DLGAP2: variants seen among roughly 807,000 people sequenced by gnomAD.
DLGAP2 encodes DLG associated protein 2, also known as disks large-associated protein 2.
DLGAP2 carries 26 observed loss-of-function variants against 100.3 expected under a neutral mutation model. That is an observed-to-expected ratio of 0.26 (90% CI 0.19 to 0.36). DLGAP2 has a LOEUF of 0.36. Ranked by LOEUF, DLGAP2 falls within the 10% of genes least tolerant of loss-of-function variation. The probability of loss-of-function intolerance (pLI) is 1.00; values close to 1 mark genes in which losing one functional copy is unlikely to be tolerated. For synonymous variants in DLGAP2, 886 were observed against 630.1 expected (o/e 1.41, Z -6.08); for missense variants, 1,858 against 1,453.2 (o/e 1.28, Z -4.53).
At chr8:1,040,524 CCGTGGTCGGCTCGGTGTG>C (rs1213023126) in intron 2 of DLGAP2, among the ~76,000 whole-genome samples, 5 of 111,086 alleles carry the variant, frequency 4.5e-5, no homozygotes, top group Non-Finnish European at 9.1e-5. Flanking sequence ...GGCTCGGTTT[CCGTGGTCGGCTCGGTGTG>C]CGTGGTCGGC....
At chr8:1,315,595 A>G (rs77995459) in intron 3 of DLGAP2, among the ~76,000 whole-genome samples, 48 of 130,684 alleles carry the variant, frequency 3.7e-4, no homozygotes, top group African/African-American at 1.2e-3. Context: ...TCTCTCCAAC[A>G]GTGGTCTACA....
intron 6 of DLGAP2, among the ~76,000 whole-genome samples, chr8:1,569,156 T>A (rs928637440): frequency 4.0e-5 from 6 of 149,718 alleles, no homozygotes; most frequent in Non-Finnish European, 7.4e-5. Flanking sequence ...CCCATGCCAC[T>A]GCCCACTCAG....
intron 3 of DLGAP2, among the ~76,000 whole-genome samples, chr8:1,304,427 T>C (rs994869797): frequency 6.6e-6 from 1 of 152,214 alleles, no homozygotes; most frequent in Admixed American, 6.5e-5. Flanking sequence ...ACATGAGATT[T>C]TTTAAAAAAT....
At chr8:1,434,482 G>GA in intron 3 of DLGAP2, among the ~76,000 whole-genome samples, 1 of 149,718 alleles carries the variant, frequency 6.7e-6, no homozygotes, top group Admixed American at 6.8e-5. Flanking sequence ...TTTGGGTTTT[G>GA]GGTTTTTTTT....
At chr8:1,063,249 A>T (rs1394965071) in intron 2 of DLGAP2, among the ~76,000 whole-genome samples, 1 of 152,238 alleles carries the variant, frequency 6.6e-6, no homozygotes, top group Non-Finnish European at 1.5e-5. Flanking sequence ...GATTTAGCTG[A>T]CCAAGTGGAC....
chr8:1,088,675 C>A (rs1034948599), intron 2 of DLGAP2, among the ~76,000 whole-genome samples: 2 of 151,646 alleles, frequency 1.3e-5, no homozygotes, highest in East Asian at 3.9e-4. Context: ...GCAGGCTATG[C>A]AATTCTCACT....
intron 3 of DLGAP2, among the ~76,000 whole-genome samples, chr8:1,442,966 T>A (rs1356233936): frequency 1.3e-5 from 2 of 152,268 alleles, no homozygotes; most frequent in Non-Finnish European, 2.9e-5. Context: ...GCAAAACTTA[T>A]TTGCTTACGT....
At chr8:1,183,659 G>T (rs1261467440) in intron 2 of DLGAP2, among the ~76,000 whole-genome samples, 2 of 152,220 alleles carry the variant, frequency 1.3e-5, no homozygotes, top group Admixed American at 1.3e-4. Context: ...AGGGCAGGCG[G>T]TGGAGCCCAG....
At chr8:927,673 C>T (rs1054939687) in intron 2 of DLGAP2, among the ~76,000 whole-genome samples, 4 of 152,230 alleles carry the variant, frequency 2.6e-5, no homozygotes, top group East Asian at 1.9e-4. Context: ...GTCATACAAA[C>T]GTGTCAAGCC....
intron 2 of DLGAP2, among the ~76,000 whole-genome samples, chr8:989,395 T>G (rs1274794669): frequency 6.6e-6 from 1 of 152,172 alleles, no homozygotes; most frequent in Admixed American, 6.5e-5. Flanking sequence ...GTCCAAACCT[T>G]GCTTGCACCT....
At chr8:1,699,851 G>A (rs1799518410) in intron 14 of DLGAP2, among the ~76,000 whole-genome samples, 1 of 152,188 alleles carries the variant, frequency 6.6e-6, no homozygotes. Flanking sequence ...AACCCCCACA[G>A]GAAATACTGA....
intron 4 of DLGAP2, among the ~76,000 whole-genome samples, chr8:1,526,580 A>T (rs1800801065): frequency 6.6e-6 from 1 of 152,196 alleles, no homozygotes; most frequent in Admixed American, 6.5e-5. Flanking sequence ...CTTCCCGAGG[A>T]GGACGGTGGT....
chr8:1,439,900 C>G (rs1317912536), intron 3 of DLGAP2, among the ~76,000 whole-genome samples: 1 of 152,118 alleles, frequency 6.6e-6, no homozygotes, highest in Non-Finnish European at 1.5e-5. Flanking sequence ...GGCTGAATGT[C>G]CTCATCCCTA....
chr8:1,350,781 G>C (rs1801700656), intron 3 of DLGAP2, among the ~76,000 whole-genome samples: 1 of 58,396 alleles, frequency 1.7e-5, no homozygotes. Context: ...TGCGTGGAAA[G>C]GCCGTGCGGG....
intron 4 of DLGAP2, among the ~76,000 whole-genome samples, chr8:1,508,390 A>C (rs1340635185): frequency 1.7e-4 from 1 of 5,916 alleles, no homozygotes; most frequent in Non-Finnish European, 2.7e-4. Flanking sequence ...ACCACCCCCC[A>C]CCCCCCCACC....
chr8:1,251,387 T>C (rs1340854802), intron 2 of DLGAP2, among the ~76,000 whole-genome samples: 1 of 152,226 alleles, frequency 6.6e-6, no homozygotes, highest in African/African-American at 2.4e-5. Context: ...TGTTTTTTAA[T>C]GTTGGAGTTT....
chr8:1,532,854 A>T (rs529274804), intron 4 of DLGAP2, among the ~76,000 whole-genome samples: 1 of 152,288 alleles, frequency 6.6e-6, no homozygotes, highest in African/African-American at 2.4e-5. Context: ...GGCTCTTCCT[A>T]GGAGAGGAAT....
At chr8:738,009 C>T (rs1820364041) in intron 1 of DLGAP2, 184 bp downstream of exon 1, 2 of 317,824 alleles carry the variant, frequency 6.3e-6, no homozygotes, top group Non-Finnish European at 1.1e-5. Flanking sequence ...ACAGCCTGTG[C>T]TCGGGGGTCG....
intron 2 of DLGAP2, among the ~76,000 whole-genome samples, chr8:1,241,364 C>T (rs143832583): frequency 6.9e-6 from 1 of 145,890 alleles, no homozygotes; most frequent in East Asian, 1.9e-4. Flanking sequence ...GTGTCTAGTT[C>T]TCTCACATGG....
Sources: allele counts gnomAD v4.1 joint callset (sites outside exome capture counted in the v4.1 genomes callset), GRCh38; gene constraint gnomAD v4.1.1; transcripts MANE v1.5; gene names NCBI Gene and HGNC (gene_info 2026-07-23, HGNC 2026-07-21).